Variants in FBXL18 observed in about 807,000 individuals in gnomAD.
FBXL18 encodes F-box and leucine rich repeat protein 18.
Under a neutral mutation model 46.0 loss-of-function variants are expected in FBXL18, and 36 were observed. The ratio of observed to expected loss-of-function variants is 0.78; its 90% confidence interval spans 0.60 to 1.03. The LOEUF is 1.03. Ranked by LOEUF, FBXL18 falls within the 50% of genes least tolerant of loss-of-function variation. The probability of loss-of-function intolerance (pLI) is 0.00; values close to 1 mark genes in which losing one functional copy is unlikely to be tolerated. For synonymous variants in FBXL18, 557 were observed against 465.3 expected (o/e 1.20, Z -2.54); for missense variants, 977 against 1,004.1 (o/e 0.97, Z 0.36).
chr7:5,461,851 G>C (rs4307232), intron 4 of FBXL18, among the ~76,000 whole-genome samples: 139,280 of 152,216 alleles, frequency 0.92, 63,761 homozygotes, highest in East Asian at 0.95. Context: ...TGAGGCAGGA[G>C]AATCACTTGA....
intron 1 of FBXL18, among the ~76,000 whole-genome samples, chr7:5,511,288 T>A (rs974818812): frequency 6.6e-6 from 1 of 151,450 alleles, no homozygotes; most frequent in African/African-American, 2.4e-5. Flanking sequence ...TACAAAAAAA[T>A]TAGCCAGGGG....
At chr7:5,485,857 C>G (rs563800284) in intron 4 of FBXL18, among the ~76,000 whole-genome samples, 2 of 152,126 alleles carry the variant, frequency 1.3e-5, no homozygotes, top group South Asian at 4.2e-4. Context: ...AGTTCGAGAC[C>G]AGCCTGGTCA....
chr7:5,469,883 T>C (rs1783401248), intron 4 of FBXL18, among the ~76,000 whole-genome samples: 1 of 150,168 alleles, frequency 6.7e-6, no homozygotes, highest in South Asian at 2.1e-4. Flanking sequence ...AGTGTGCAGG[T>C]GTGTGTGCGA....
chr7:5,465,941 C>T (rs1182485834), intron 4 of FBXL18, among the ~76,000 whole-genome samples: 1 of 151,896 alleles, frequency 6.6e-6, no homozygotes, highest in African/African-American at 2.4e-5. Context: ...CCTCAGCCTC[C>T]CGAGTAGCTG....
chr7:5,500,505 C>T lies in FBXL18; in HGVS notation c.1764G>A (p.Lys588=), dbSNP rs376436237. Residue 588 remains lysine (K), a synonymous_variant, in exon 3 of 5, where the codon AAG becomes AAA. Coordinates refer to ENST00000382368, the MANE Select transcript of FBXL18 (RefSeq NM_024963.6). ...CCCCTCACCTGAGGTCCCTCAGCCG[C>T]TTGCAGTGCTTCAACATGTCTGAGA... is the stretch of plus-strand genomic sequence containing the variant. ...PALSDMLKHC[K]RLRDLRLEQP... 5.9e-5 allele frequency: 94 copies of T among 1,606,366 alleles called. No individual in the cohort carries two copies. The highest frequency in any genetic ancestry group is 1.8e-4 in the Admixed American group (11 of 59,500).
At chr7:5,458,058 G>T (rs1783195905) in intron 4 of FBXL18, among the ~76,000 whole-genome samples, 1 of 150,324 alleles carries the variant, frequency 6.7e-6, no homozygotes, top group Non-Finnish European at 1.5e-5. Context: ...GAGGAGAATT[G>T]TTCATTTCAC....
intron 4 of FBXL18, among the ~76,000 whole-genome samples, chr7:5,462,199 G>A (rs1477692627): frequency 6.6e-6 from 1 of 152,176 alleles, no homozygotes; most frequent in Non-Finnish European, 1.5e-5. Context: ...CTGCACTCCA[G>A]CCTGGGCAAC....
At position 5,489,564 on chromosome 7, in the gene FBXL18, A is replaced by T. The variant is rs1387557894; in HGVS notation, c.2000+1667T>A. 54 of 285,968 alleles carry T rather than the reference A, an allele frequency of 1.9e-4. 1 individual carries two copies. The highest frequency in any genetic ancestry group is 1.6e-3 in the South Asian group (49 of 31,416). 17.7% of individuals were successfully genotyped at this position (285,968 alleles called of 1,614,324 possible). A position where few individuals can be genotyped will look rare whatever the true frequency, so the allele number is the denominator to read the frequency against. ...GGTGGGCAGATCATGAGGTCAGGAG[A>T]TCGAGACCATCCTGGCCAACACAGT... is the stretch of plus-strand genomic sequence containing the variant. On this transcript the variant is annotated intron_variant, in intron 4 of 4. Coordinates refer to ENST00000382368, the MANE Select transcript of FBXL18 (RefSeq NM_024963.6).
At position 5,501,945 on chromosome 7, in the gene FBXL18, A is replaced by T. The variant is rs985994900; in HGVS notation, c.324T>A (p.Pro108=). ...QLSMAGCYWL[P]GSTVEHVARC... ...GGGCCACGTGTTCCACGGTGGAGCC[A>T]GGCAGCCAGTAGCAGCCAGCCATGC... The change falls in exon 3 of 5, where the codon CCT becomes CCA. Residue 108 remains proline (P), a synonymous_variant. Transcript: ENST00000382368. The T allele has an allele frequency of 1.9e-6, 3 of 1,604,998 alleles. No homozygotes were observed. Among genetic ancestry groups the T allele is most frequent in the Non-Finnish European group, 8.5e-7 (1 of 1,177,006 alleles).
rs1276739590 is a variant in FBXL18 at position 5,481,176 on chromosome 7, A to G, written c.*599T>C. The stretch of plus-strand genomic sequence containing the variant: ...GCCACAGGCATCATCTGGCTAGAAA[A>G]GCCCCAGAGACATGAGTGGGCTCAA... On this transcript the variant is annotated 3_prime_UTR_variant, in exon 5 of 5. Coordinates refer to ENST00000382368, the MANE Select transcript of FBXL18 (RefSeq NM_024963.6). 1.3e-5 allele frequency: 2 copies of G among 152,346 alleles called. No individual in the cohort carries two copies. Among genetic ancestry groups the G allele is most frequent in the Admixed American group, 6.5e-5 (1 of 15,304 alleles). The allele number at this position is 152,346 out of a possible 1,614,324, so 9.4% of individuals were successfully genotyped here. A position where few individuals can be genotyped will look rare whatever the true frequency, so the allele number is the denominator to read the frequency against.
rs1160606876 is a variant in FBXL18, at chr7:5,486,251, CA to C, written c.2001-4321del. Among the ~76,000 whole-genome samples the C allele has an allele frequency of 2.3e-3, 163 of 71,808 alleles. 4 individuals carry two copies. Among genetic ancestry groups the C allele is most frequent in the African/African-American group, 7.7e-3 (128 of 16,718 alleles). The allele number at this position is 71,808 out of a possible 152,430, so 47.1% of individuals were successfully genotyped here. ...GGGCAAAAAGAGCAAAACTCCATCT[CA>C]AAAAAAAAAAAAAAAAATGAGCTGG... is the stretch of plus-strand genomic sequence containing the variant. On this transcript the variant is annotated intron_variant, in intron 4 of 4. Coordinates refer to ENST00000382368, the MANE Select transcript of FBXL18 (RefSeq NM_024963.6).
chr7:5,501,508 A>G lies in FBXL18; in HGVS notation c.761T>C (p.Leu254Pro), dbSNP rs780505513. The change falls in exon 3 of 5, where the codon CTT becomes CCT. Residue 254 changes from leucine (L) to proline (P), a missense_variant. Coordinates refer to ENST00000382368, the MANE Select transcript of FBXL18 (RefSeq NM_024963.6). Reference sequence around the variant, plus strand: ...GAGGTTCTGAGGAGTGCGGTCGCTAAGCACAGCCAGGTAGAGCCGCACCAC... The same window carrying G: ...GAGGTTCTGAGGAGTGCGGTCGCTAGGCACAGCCAGGTAGAGCCGCACCAC... Reference protein sequence around the residue: ...QEVVRLYLAVLSDRTPQNLHA... With the variant: ...QEVVRLYLAVPSDRTPQNLHA... 6.2e-7 allele frequency: 1 copy of G among 1,613,936 alleles called. No homozygotes were observed. The highest frequency in any genetic ancestry group is 8.5e-7 in the Non-Finnish European group (1 of 1,180,028).
At chr7:5,462,334 C>G (rs891845338) in intron 4 of FBXL18, among the ~76,000 whole-genome samples, 2 of 152,168 alleles carry the variant, frequency 1.3e-5, no homozygotes, top group African/African-American at 4.8e-5. Flanking sequence ...TTCACTTGCC[C>G]GAGGCCGGTA....
At chr7:5,459,596 C>T (rs1408161688) in intron 4 of FBXL18, among the ~76,000 whole-genome samples, 3 of 152,064 alleles carry the variant, frequency 2.0e-5, no homozygotes, top group South Asian at 4.1e-4. Flanking sequence ...AAAAATTAGC[C>T]AGGCGTGGTA....
chr7:5,468,120 C>A (rs1342753387), intron 4 of FBXL18, among the ~76,000 whole-genome samples: 1 of 151,968 alleles, frequency 6.6e-6, no homozygotes, highest in African/African-American at 2.4e-5. Context: ...GTAGCTGGGA[C>A]TACAGGCGCC....
intron 1 of FBXL18, among the ~76,000 whole-genome samples, chr7:5,506,389 C>T (rs1430643598): frequency 6.6e-6 from 1 of 151,658 alleles, no homozygotes; most frequent in African/African-American, 2.4e-5. Context: ...CGTGGGATTA[C>T]AGGCGACTGC....
chr7:5,482,154 C>T (rs548749991), intron 4 of FBXL18, among the ~76,000 whole-genome samples: 3 of 152,308 alleles, frequency 2.0e-5, no homozygotes, highest in East Asian at 1.9e-4. Flanking sequence ...ACAGGCCACA[C>T]GCTTCTCTCC....
At chr7:5,467,073 C>T (rs537201578) in intron 4 of FBXL18, among the ~76,000 whole-genome samples, 19 of 152,052 alleles carry the variant, frequency 1.2e-4, no homozygotes, top group Middle Eastern at 3.4e-3. Context: ...AAAAATTGGC[C>T]GGGCACAGTG....
chr7:5,465,968 C>A (rs1584184952), intron 4 of FBXL18, among the ~76,000 whole-genome samples: 1 of 152,108 alleles, frequency 6.6e-6, no homozygotes. Flanking sequence ...CAGGCGCCAG[C>A]CACTATGCCC....
Sources: allele counts gnomAD v4.1 joint callset (sites outside exome capture counted in the v4.1 genomes callset), GRCh38; gene constraint gnomAD v4.1.1; transcripts MANE v1.5; gene names NCBI Gene and HGNC (gene_info 2026-07-23, HGNC 2026-07-21).